The following CCDC148 variants were observed in gnomAD, a reference collection of about 807,000 sequenced individuals.
CCDC148 encodes the protein coiled-coil domain-containing protein 148.
In CCDC148, 89 loss-of-function variants were observed where a neutral mutation model predicts 85.7. That is an observed-to-expected ratio of 1.04 (90% CI 0.87 to 1.24). CCDC148 has a LOEUF of 1.24. CCDC148 is among the 50% of genes most tolerant of loss of function. CCDC148 has a pLI of 0.00. For missense variants in CCDC148, 692 were observed against 671.7 expected (o/e 1.03, Z -0.33); for synonymous variants, 230 against 213.9 (o/e 1.08, Z -0.66).
At chr2:158,314,256 T>C (rs1692179298) in intron 7 of CCDC148, among the ~76,000 whole-genome samples, 1 of 152,236 alleles carries the variant, frequency 6.6e-6, no homozygotes, top group Non-Finnish European at 1.5e-5. Context: ...AGGAATTTTA[T>C]TTATTCAACA....
chr2:158,314,197 C>A (rs2105214847), intron 7 of CCDC148, among the ~76,000 whole-genome samples: 1 of 151,804 alleles, frequency 6.6e-6, no homozygotes, highest in African/African-American at 2.4e-5. Context: ...GAAATCATGA[C>A]CAATGAATGA....
At chr2:158,347,555 T>C (rs1346164748) in intron 2 of CCDC148, among the ~76,000 whole-genome samples, 1 of 152,156 alleles carries the variant, frequency 6.6e-6, no homozygotes, top group Non-Finnish European at 1.5e-5. Context: ...ATACACCATA[T>C]GAAGTCAATA....
At chr2:158,315,229 C>T (rs1023169613) in intron 7 of CCDC148, among the ~76,000 whole-genome samples, 2 of 152,156 alleles carry the variant, frequency 1.3e-5, no homozygotes, top group Non-Finnish European at 2.9e-5. Context: ...TAAAGCAGTA[C>T]AAATAGGAGT....
At chr2:158,423,495 G>C (rs963557115) in intron 1 of CCDC148, among the ~76,000 whole-genome samples, 1 of 152,258 alleles carries the variant, frequency 6.6e-6, no homozygotes, top group East Asian at 1.9e-4. Flanking sequence ...AATGGTGCTG[G>C]GAAAACTGGC....
intron 9 of CCDC148, among the ~76,000 whole-genome samples, chr2:158,277,857 A>G (rs1320562032): frequency 6.6e-6 from 1 of 152,062 alleles, no homozygotes; most frequent in Admixed American, 6.5e-5. Flanking sequence ...CAGCCTCCCA[A>G]AGGAGTTATG....
chr2:158,243,252 G>A (rs973601537), intron 10 of CCDC148, among the ~76,000 whole-genome samples: 1 of 152,030 alleles, frequency 6.6e-6, no homozygotes, highest in African/African-American at 2.4e-5. Flanking sequence ...ATTAAATTCT[G>A]CCCTCTTGGT....
At chr2:158,277,154 TC>T (rs1311573802) in intron 9 of CCDC148, among the ~76,000 whole-genome samples, 1 of 152,226 alleles carries the variant, frequency 6.6e-6, no homozygotes, top group African/African-American at 2.4e-5. Context: ...TGAAGAATTT[TC>T]CCAGTGCCAT....
intron 11 of CCDC148, among the ~76,000 whole-genome samples, chr2:158,220,102 C>T (rs1454997786): frequency 6.6e-6 from 1 of 152,178 alleles, no homozygotes; most frequent in African/African-American, 2.4e-5. Flanking sequence ...CTCAAATGTC[C>T]TTTCCAGATC....
intron 1 of CCDC148, among the ~76,000 whole-genome samples, chr2:158,383,374 A>C (rs1026153519): frequency 6.6e-6 from 1 of 151,960 alleles, no homozygotes; most frequent in Non-Finnish European, 1.5e-5. Flanking sequence ...TAATATTAAA[A>C]TTCTAAAGCA....
At chr2:158,305,779 A>T (rs1039596432) in intron 9 of CCDC148, among the ~76,000 whole-genome samples, 2 of 123,004 alleles carry the variant, frequency 1.6e-5, no homozygotes, top group African/African-American at 3.0e-5. Flanking sequence ...AAAAAAAAAA[A>T]GGAGGGACAC....
intron 11 of CCDC148, among the ~76,000 whole-genome samples, chr2:158,216,386 CTTTTTTTTTTTT>C (rs397697591): frequency 5.0e-5 from 3 of 59,434 alleles, no homozygotes; most frequent in African/African-American, 7.2e-5. Context: ...AAGCACAATA[CTTTTTTTTTTTT>C]TTTTTTTTTT....
At chr2:158,322,482 T>C (rs1244153600) in intron 7 of CCDC148, among the ~76,000 whole-genome samples, 1 of 152,070 alleles carries the variant, frequency 6.6e-6, no homozygotes, top group African/African-American at 2.4e-5. Flanking sequence ...ACAACATTCA[T>C]ACATCTGAAA....
At chr2:158,434,058 G>A (rs7565708) in intron 1 of CCDC148, among the ~76,000 whole-genome samples, 25,336 of 152,190 alleles carry the variant, frequency 0.17, 2,275 homozygotes, top group Middle Eastern at 0.21. Context: ...GCCTATCTGA[G>A]CAAAAGGCAG....
intron 2 of CCDC148, among the ~76,000 whole-genome samples, chr2:158,345,765 C>T (rs1682965092): frequency 6.6e-6 from 1 of 152,174 alleles, no homozygotes; most frequent in East Asian, 1.9e-4. Flanking sequence ...GATTATAAAG[C>T]TCATAAATAT....
intron 1 of CCDC148, chr2:158,393,446 T>C (rs72942382): frequency 1.3e-5 from 2 of 152,070 alleles, no homozygotes; most frequent in African/African-American, 4.8e-5. Context: ...GAGTCTTTAA[T>C]AGCAGGGGGC....
intron 9 of CCDC148, among the ~76,000 whole-genome samples, chr2:158,280,138 G>A (rs1248407590): frequency 1.3e-5 from 2 of 152,156 alleles, no homozygotes; most frequent in African/African-American, 2.4e-5. Flanking sequence ...ACTAAACATG[G>A]AAAGGAACAA....
chr2:158,239,526 C>T (rs1171598257), intron 10 of CCDC148, among the ~76,000 whole-genome samples: 1 of 152,030 alleles, frequency 6.6e-6, no homozygotes, highest in African/African-American at 2.4e-5. Context: ...TATACTGTAC[C>T]AAGAGTTGAC....
chr2:158,203,565 G>C (rs1286136588), intron 11 of CCDC148, among the ~76,000 whole-genome samples: 1 of 152,074 alleles, frequency 6.6e-6, no homozygotes, highest in Non-Finnish European at 1.5e-5. Flanking sequence ...GAAAGAGAAA[G>C]AGACAATATC....
chr2:158,212,125 A>C (rs185041588), intron 11 of CCDC148, among the ~76,000 whole-genome samples: 29 of 152,306 alleles, frequency 1.9e-4, no homozygotes, highest in Admixed American at 1.5e-3. Flanking sequence ...AAAATACAAA[A>C]CAGACAGTCC....
Sources: gnomAD v4.1 joint callset for allele counts (sites outside exome capture counted in the v4.1 genomes callset) on GRCh38, gnomAD v4.1.1 for gene constraint, MANE v1.5 for transcripts, NCBI Gene and HGNC (gene_info 2026-07-23, HGNC 2026-07-21) for gene names.